The following KIAA1549L variants were observed in gnomAD, a reference collection of about 807,000 sequenced individuals.
The protein encoded by KIAA1549L is UPF0606 protein KIAA1549L.
A neutral mutation model predicts 160.7 loss-of-function variants in KIAA1549L; 88 were observed. The ratio of observed to expected loss-of-function variants is 0.55; its 90% CI spans 0.46 to 0.65. KIAA1549L has a LOEUF of 0.65. Among genes scored for constraint, KIAA1549L ranks in the 30% least tolerant of loss-of-function variants. KIAA1549L has a pLI of 0.00. For synonymous variants in KIAA1549L, 950 were observed against 976.7 expected, an observed-to-expected ratio of 0.97 and a Z score of 0.51; for missense variants, 2,258 against 2,437.5, an observed-to-expected ratio of 0.93 and a Z score of 1.55.
intron 4 of KIAA1549L, 35 bp downstream of exon 4, chr11:33,547,914 C>G (rs762741764): frequency 1.5e-6 from 2 of 1,334,482 alleles, no homozygotes; most frequent in Non-Finnish European, 2.1e-6. Context: ...GCTAATCCAT[C>G]ACAGTCTGGC....
intron 16 of KIAA1549L, among the ~76,000 whole-genome samples, chr11:33,643,266 A>G (rs1325555038): frequency 4.6e-5 from 7 of 152,046 alleles, no homozygotes; most frequent in Admixed American, 3.9e-4. Context: ...GTATGTGTGT[A>G]TATATATAAC....
chr11:33,639,124 G>A (rs1851519224), intron 16 of KIAA1549L, among the ~76,000 whole-genome samples: 1 of 152,168 alleles, frequency 6.6e-6, no homozygotes. Flanking sequence ...TGTGCCCCAG[G>A]ACTAAATTGT....
intron 1 of KIAA1549L, among the ~76,000 whole-genome samples, chr11:33,458,763 T>C (rs763805247): frequency 2.6e-5 from 4 of 152,196 alleles, no homozygotes; most frequent in Non-Finnish European, 2.9e-5. Context: ...CAGTAGTGAT[T>C]GTGCTGAGCA....
chr11:33,617,788 G>GAT (rs1564926405), intron 15 of KIAA1549L, among the ~76,000 whole-genome samples: 3,927 of 144,908 alleles, frequency 0.027, 186 homozygotes, highest in African/African-American at 0.1. Flanking sequence ...TGGAAGCCTC[G>GAT]GTGGATGGAT....
rs1181121015 is a variant in KIAA1549L at position 33,530,437 on chromosome 11, ATATATATATATATATATAT to A, written c.239-11364_239-11346del. Among the ~76,000 whole-genome samples the A allele has an allele frequency of 2.2e-3, 7 of 3,184 alleles. 2 individuals carry two copies. In the East Asian group the frequency reaches 0.039, roughly 18 times the overall value. The allele number at this position is 3,184 out of a possible 152,430, so 2.1% of individuals were successfully genotyped here. ...AGGAAAAAAAAAAAAAAAAAAAAAAATATATATATATATATATATATATATATATATATATATATATATA... is the reference window on the plus strand; with the variant it reads ...AGGAAAAAAAAAAAAAAAAAAAAAAAATATATATATATATATATATATATA... On this transcript the variant is annotated intron_variant, in intron 1 of 20. Transcript: ENST00000658780.
chr11:33,391,332 T>C (rs994221397), intron 1 of KIAA1549L, among the ~76,000 whole-genome samples: 4 of 152,232 alleles, frequency 2.6e-5, no homozygotes, highest in African/African-American at 9.6e-5. Context: ...CAGCAGCTCC[T>C]CCTCCTTTGC....
chr11:33,596,803 A>AT (rs34752435), intron 12 of KIAA1549L, among the ~76,000 whole-genome samples: 31,668 of 150,938 alleles, frequency 0.21, 3,696 homozygotes, highest in East Asian at 0.36. Context: ...TTCCTTTCCT[A>AT]TTTTTTTTTC....
At chr11:33,460,455 G>A (rs1050919021) in intron 1 of KIAA1549L, among the ~76,000 whole-genome samples, 26 of 152,238 alleles carry the variant, frequency 1.7e-4, no homozygotes, top group African/African-American at 6.3e-4. Flanking sequence ...ATATGGGCGT[G>A]AGTGAGTTCA....
At chr11:33,389,769 G>A (rs1377501646) in intron 1 of KIAA1549L, among the ~76,000 whole-genome samples, 1 of 152,194 alleles carries the variant, frequency 6.6e-6, no homozygotes, top group African/African-American at 2.4e-5. Context: ...ACAGTTCACG[G>A]TTGTCGAAGC....
chr11:33,594,872 C>T (rs1052898466), intron 12 of KIAA1549L, among the ~76,000 whole-genome samples: 3 of 152,198 alleles, frequency 2.0e-5, no homozygotes, highest in African/African-American at 7.2e-5. Flanking sequence ...GTAGTATTAC[C>T]TACAGCTATT....
chr11:33,638,605 A>G (rs1167753288), intron 16 of KIAA1549L, among the ~76,000 whole-genome samples: 1 of 152,108 alleles, frequency 6.6e-6, no homozygotes, highest in East Asian at 1.9e-4. Flanking sequence ...AAAAACTGCC[A>G]TAAACATTTT....
chr11:33,592,555 A>T (rs1565202141), intron 12 of KIAA1549L, among the ~76,000 whole-genome samples: 1 of 141,914 alleles, frequency 7.0e-6, no homozygotes, highest in African/African-American at 2.5e-5. Context: ...CCTTTTATCT[A>T]ACATGTGTAT....
At chr11:33,648,508 G>T (rs1036901892) in intron 17 of KIAA1549L, among the ~76,000 whole-genome samples, 4 of 78,186 alleles carry the variant, frequency 5.1e-5, no homozygotes, top group Non-Finnish European at 8.5e-5. Flanking sequence ...TGATAACTAT[G>T]ATTACTTTCT....
intron 1 of KIAA1549L, among the ~76,000 whole-genome samples, chr11:33,378,586 G>A (rs1015494117): frequency 6.6e-6 from 1 of 152,160 alleles, no homozygotes; most frequent in Non-Finnish European, 1.5e-5. Context: ...AAAAGTTGAT[G>A]TTCCTCCCCA....
chr11:33,553,135 C>A (rs1358178246), intron 6 of KIAA1549L, among the ~76,000 whole-genome samples: 1 of 152,010 alleles, frequency 6.6e-6, no homozygotes, highest in Non-Finnish European at 1.5e-5. Flanking sequence ...TCTAAACAGC[C>A]CTTTTAAACA....
chr11:33,384,363 C>T (rs1211622934), intron 1 of KIAA1549L, among the ~76,000 whole-genome samples: 1 of 152,220 alleles, frequency 6.6e-6, no homozygotes, highest in East Asian at 1.9e-4. Context: ...TTTGCTTATG[C>T]ATTCAGCAGT....
intron 15 of KIAA1549L, among the ~76,000 whole-genome samples, chr11:33,612,387 C>T (rs146271903): frequency 2.3e-4 from 35 of 152,270 alleles, no homozygotes; most frequent in African/African-American, 7.7e-4. Context: ...TGCTCTAGTC[C>T]AGAGGTAGCA....
intron 9 of KIAA1549L, among the ~76,000 whole-genome samples, chr11:33,569,306 AT>A (rs930087032): frequency 4.6e-5 from 7 of 152,174 alleles, no homozygotes; most frequent in Admixed American, 3.3e-4. Context: ...CATGTCTAAC[AT>A]TTGTTGTGCT....
chr11:33,652,997 GCAAAA>G (rs1184044058), intron 17 of KIAA1549L, among the ~76,000 whole-genome samples: 3 of 152,198 alleles, frequency 2.0e-5, no homozygotes, highest in Non-Finnish European at 1.5e-5. Context: ...CACAAGGAAA[GCAAAA>G]CAAAACAAAA....
Sources: allele counts gnomAD v4.1 joint callset (sites outside exome capture counted in the v4.1 genomes callset), GRCh38; gene constraint gnomAD v4.1.1; transcripts MANE v1.5; gene names NCBI Gene and HGNC (gene_info 2026-07-23, HGNC 2026-07-21).